Variants in CDC45 observed in about 807,000 individuals in gnomAD.
CDC45 encodes the protein cell division control protein 45 homolog.
A neutral mutation model predicts 77.8 loss-of-function variants in CDC45; 54 were observed. That is an observed-to-expected ratio of 0.69 (90% CI 0.56 to 0.87). The LOEUF (loss-of-function observed/expected upper bound fraction) is 0.87, where lower values mean the gene tolerates loss of function less well. CDC45 is among the 40% of genes least tolerant of loss of function. The probability of loss-of-function intolerance (pLI) is 0.00; values close to 1 mark genes in which losing one functional copy is unlikely to be tolerated. For missense variants in CDC45, 649 were observed against 721.6 expected, an observed-to-expected ratio of 0.90 and a Z score of 1.15; for synonymous variants, 260 against 272.1, an observed-to-expected ratio of 0.96 and a Z score of 0.44.
At chr22:19,516,208 A>T (rs1305539138) in intron 15 of CDC45, among the ~76,000 whole-genome samples, 4 of 151,898 alleles carry the variant, frequency 2.6e-5, no homozygotes, top group Non-Finnish European at 5.9e-5. Context: ...ATAGCAGGGC[A>T]GGCTCCTTGC....
intron 17 of CDC45, among the ~76,000 whole-genome samples, chr22:19,518,572 T>C (rs1032990064): frequency 1.3e-5 from 2 of 152,180 alleles, no homozygotes; most frequent in African/African-American, 2.4e-5. Context: ...TGTCCAGGTC[T>C]GTAGGGCCCT....
In CDC45 at chr22:19,494,350, G is replaced by A; in HGVS notation, c.510G>A (p.Arg170=). The part of the protein sequence containing the change: ...LEEEIVEQTM[R]RRQRREWEAR... ...AGGAGATAGTGGAGCAAACCATGCG[G>A]AGGAGGCAGCGGCGAGAGTGGGAGG... is the stretch of plus-strand genomic sequence containing the variant. The change falls in exon 6 of 19, where the codon CGG becomes CGA. Residue 170 remains arginine (R), a synonymous_variant. Coordinates refer to ENST00000263201, the MANE Select transcript of CDC45 (RefSeq NM_003504.5). 2 of 1,613,168 alleles carry A rather than the reference G, an allele frequency of 1.2e-6. No homozygotes were observed. The highest frequency in any genetic ancestry group is 2.2e-5 in the South Asian group (2 of 91,022).
upstream of CDC45, chr22:19,479,574 A>G (rs762958311): frequency 1.3e-4 from 75 of 574,886 alleles, 2 homozygotes; most frequent in South Asian, 1.1e-3. Flanking sequence ...CCCATTGGGT[A>G]TGTGACTGAG....
intron 5 of CDC45, among the ~76,000 whole-genome samples, chr22:19,493,239 G>GTTTTGTT (rs112060234): frequency 0.039 from 5,680 of 146,858 alleles, 143 homozygotes; most frequent in Non-Finnish European, 0.048. Context: ...TTTTTTTTTT[G>GTTTTGTT]TTGTTTTGTT....
At chr22:19,480,318 T>C (rs961072975) in intron 2 of CDC45, 101 bp downstream of exon 2, 3 of 1,094,962 alleles carry the variant, frequency 2.7e-6, no homozygotes, top group Admixed American at 1.7e-5. Context: ...TGCTGAGGGC[T>C]TAGGGTGGGA....
At chr22:19,500,661 TC>T (rs2090324937) in intron 9 of CDC45, among the ~76,000 whole-genome samples, 1 of 151,970 alleles carries the variant, frequency 6.6e-6, no homozygotes, top group South Asian at 2.1e-4. Context: ...GATGATTACA[TC>T]CCCCTTGCCC....
intron 13 of CDC45, among the ~76,000 whole-genome samples, chr22:19,510,988 G>GT (rs1179973214): frequency 1.3e-5 from 2 of 152,116 alleles, no homozygotes; most frequent in African/African-American, 4.8e-5. Context: ...TCATGTCTTT[G>GT]TTTCTTTTGG....
At chr22:19,512,501 A>G (rs1361987994) in intron 13 of CDC45, among the ~76,000 whole-genome samples, 1 of 151,994 alleles carries the variant, frequency 6.6e-6, no homozygotes, top group Admixed American at 6.6e-5. Flanking sequence ...TGGTTTTGCA[A>G]TCTAGTTGCT....
chr22:19,482,398 G>A (rs960973344), intron 3 of CDC45, among the ~76,000 whole-genome samples: 6 of 152,242 alleles, frequency 3.9e-5, no homozygotes, highest in South Asian at 2.1e-4. Context: ...TCACGTGCTC[G>A]AAGTCTTGGT....
intron 9 of CDC45, among the ~76,000 whole-genome samples, chr22:19,504,246 A>G (rs552162721): frequency 3.7e-4 from 57 of 152,334 alleles, no homozygotes; most frequent in African/African-American, 1.3e-3. Flanking sequence ...AGATGGGAGG[A>G]GATCCTCAAA....
Position 19,480,008 on chromosome 22 carries a change from G to C in CDC45, c.40G>C (p.Val14Leu), listed in dbSNP as rs756505067. The change falls in exon 1 of 19, where the codon GTC (valine) becomes CTC (leucine). Residue 14 changes from valine to leucine, a missense_variant. By Grantham distance (32) the Val-to-Leu change is conservative (BLOSUM62 1). Transcript: ENST00000263201. ...TTTCCGCAAAGAGTTCTACGAGGTG[G>C]TCCAGAGCCAGGTGACGCCCAGTCC... ...SDFRKEFYEV[V>L]QSQRVLLFVA... 11 of 1,613,864 alleles carry C rather than the reference G, an allele frequency of 6.8e-6. No individual in the cohort carries two copies. Among genetic ancestry groups the C allele is most frequent in the Non-Finnish European group, 9.3e-6 (11 of 1,180,028 alleles).
At chr22:19,497,234 G>A (rs2090258334) in intron 7 of CDC45, 152 bp from the exon 8 acceptor site, 5 of 682,010 alleles carry the variant, frequency 7.3e-6, no homozygotes, top group Admixed American at 4.4e-5. Flanking sequence ...CCCACATGTC[G>A]GGCTGGAATC....
chr22:19,496,741 C>T (rs1177788321), intron 7 of CDC45, among the ~76,000 whole-genome samples: 1 of 152,150 alleles, frequency 6.6e-6, no homozygotes, highest in Non-Finnish European at 1.5e-5. Context: ...CTGGAGGAAG[C>T]CCGCATCTCA....
rs111296732 is a variant in CDC45 at position 19,514,913 on chromosome 22, G to A, written c.1356+26G>A. ...GTCAGGCTTCCCACAGAGCACAGGC[G>A]CCTGGTCACAGCACCAGTGGCTTCG... On this transcript the variant is annotated intron_variant, in intron 14 of 18. Coordinates refer to ENST00000263201, the MANE Select transcript of CDC45 (RefSeq NM_003504.5). The A allele has an allele frequency of 2.2e-5, 35 of 1,614,198 alleles. No individual in the cohort carries two copies. In the East Asian group the frequency reaches 2.2e-4, roughly 10 times the overall value.
At chr22:19,499,881 G>A (rs2090310463) in intron 9 of CDC45, among the ~76,000 whole-genome samples, 1 of 152,192 alleles carries the variant, frequency 6.6e-6, no homozygotes, top group Non-Finnish European at 1.5e-5. Flanking sequence ...ACCTGGCACA[G>A]CCCTAGGCGC....
At chr22:19,497,893 T>C (rs886158978) in intron 8 of CDC45, among the ~76,000 whole-genome samples, 8 of 151,092 alleles carry the variant, frequency 5.3e-5, no homozygotes, top group Non-Finnish European at 8.8e-5. Flanking sequence ...TGAAACCCTG[T>C]CTCAAAAAAA....
At chr22:19,519,271 G>A (rs1452504298) in intron 18 of CDC45, among the ~76,000 whole-genome samples, 1 of 152,332 alleles carries the variant, frequency 6.6e-6, no homozygotes, top group East Asian at 1.9e-4. Flanking sequence ...CACAGCCTTC[G>A]TGTCAGGCGC....
intron 5 of CDC45, among the ~76,000 whole-genome samples, chr22:19,485,457 G>A (rs942587500): frequency 1.3e-5 from 2 of 152,188 alleles, no homozygotes; most frequent in African/African-American, 4.8e-5. Context: ...GGATTCCTGG[G>A]CAGAGCATCC....
In CDC45 at chr22:19,516,626, G is replaced by A. The variant is rs750927071; in HGVS notation, c.1540G>A (p.Asp514Asn). ...CGTGGTGGGCATCCCCCCAGAGACCGACAGCTCGGACAGGAAGAAGTGAGC... is the reference window on the plus strand; with the variant it reads ...CGTGGTGGGCATCCCCCCAGAGACCAACAGCTCGGACAGGAAGAAGTGAGC... ...VTVVGIPPET[D>N]SSDRKNFFGR... Residue 514 changes from aspartate to asparagine, a missense_variant, in exon 16 of 19, where the codon GAC becomes AAC. By Grantham distance (23) the Asp-to-Asn change is conservative (BLOSUM62 1). Coordinates refer to ENST00000263201, the MANE Select transcript of CDC45 (RefSeq NM_003504.5). The A allele has an allele frequency of 3.1e-6, 5 of 1,613,566 alleles. No homozygotes were observed. Among genetic ancestry groups the A allele is most frequent in the Middle Eastern group, 1.6e-4 (1 of 6,080 alleles).
Sources: gnomAD v4.1 joint callset for allele counts (sites outside exome capture counted in the v4.1 genomes callset) on GRCh38, gnomAD v4.1.1 for gene constraint, MANE v1.5 for transcripts, NCBI Gene and HGNC (gene_info 2026-07-23, HGNC 2026-07-21) for gene names.